The following TRAP1 variants were observed in gnomAD, a reference collection of about 807,000 sequenced individuals.
TRAP1 encodes heat shock protein 75 kDa, mitochondrial.
A neutral mutation model predicts 89.1 loss-of-function variants in TRAP1; 102 were observed. The ratio of observed to expected loss-of-function variants is 1.15; its 90% CI spans 0.98 to 1.35. The LOEUF is 1.35. TRAP1 is among the 40% of genes most tolerant of loss of function. The pLI is 0.00. For synonymous variants in TRAP1, 508 were observed against 388.0 expected (o/e 1.31, Z -3.64); for missense variants, 1,256 against 945.3 (o/e 1.33, Z -4.31).
In TRAP1 at chr16:3,663,529, T is replaced by G. The variant is rs1567222720; in HGVS notation, c.1603A>C (p.Thr535Pro). 6.2e-7 allele frequency: 1 copy of G among 1,613,808 alleles called. No individual in the cohort carries two copies. The highest frequency in any genetic ancestry group is 1.1e-5 in the South Asian group (1 of 91,060). Residue 535 changes from threonine (T) to proline (P), a missense_variant, in exon 14 of 18, where the codon ACC (threonine) becomes CCC (proline). Transcript: ENST00000246957. ...LFCFEQFDELTLLHLREFDKK... is the reference protein window; with the variant it reads ...LFCFEQFDELPLLHLREFDKK... ...TCAAACTCACGAAGGTGCAGCAGGG[T>G]GAGCTCATCAAACTGCTCAAAGCAG...
chr16:3,683,893 C>T (rs113171279), intron 4 of TRAP1, among the ~76,000 whole-genome samples: 5 of 151,932 alleles, frequency 3.3e-5, no homozygotes, highest in Admixed American at 6.6e-5. Flanking sequence ...AGACTAGGCG[C>T]GGTGGCTCCC....
At position 3,676,115 on chromosome 16, in the gene TRAP1, C is replaced by T. The variant is rs754204276; in HGVS notation, c.735G>A (p.Ser245=). The T allele has an allele frequency of 1.3e-5, 21 of 1,613,796 alleles. No individual in the cohort carries two copies. Among genetic ancestry groups the T allele is most frequent in the Admixed American group, 3.3e-5 (2 of 59,932 alleles). The change falls in exon 7 of 18, where the codon TCG becomes TCA. Residue 245 remains serine, a synonymous_variant. Transcript: ENST00000246957. ...TGATTTTTGTCCCGGTTCTAACTCC[C>T]GAAGCTTCGGCGATTTCAAACACTC... is the stretch of plus-strand genomic sequence containing the variant. The part of the protein sequence containing the change: ...GSGVFEIAEA[S]GVRTGTKIII...
intron 3 of TRAP1, 27 bp downstream of exon 3, chr16:3,689,028 A>T (rs780722483): frequency 1.4e-5 from 22 of 1,579,966 alleles, no homozygotes; most frequent in Non-Finnish European, 1.8e-5. Flanking sequence ...CTTTGCTAGC[A>T]TCGGGCATGG....
chr16:3,697,532 T>C (rs921430172), intron 1 of TRAP1, among the ~76,000 whole-genome samples: 36 of 151,214 alleles, frequency 2.4e-4, no homozygotes, highest in Admixed American at 2.1e-3. Flanking sequence ...GGCGTAGTGG[T>C]GGGCGCCTGT....
At chr16:3,686,299 G>A (rs530493630) in intron 3 of TRAP1, among the ~76,000 whole-genome samples, 163 bp from the exon 4 acceptor site, 3 of 152,252 alleles carry the variant, frequency 2.0e-5, no homozygotes, top group Admixed American at 6.5e-5. Flanking sequence ...CCTCTGGGCC[G>A]GTCACAAAGT....
At position 3,658,214 on chromosome 16, in the gene TRAP1, A is replaced by G. The variant is rs2042831201; in HGVS notation, c.2030T>C (p.Met677Thr). 2 of 1,613,664 alleles carry G rather than the reference A, an allele frequency of 1.2e-6. No individual in the cohort carries two copies. Among genetic ancestry groups the G allele is most frequent in the Non-Finnish European group, 1.7e-6 (2 of 1,179,924 alleles). The change falls in exon 18 of 18, where the codon ATG becomes ACG. Residue 677 changes from methionine (M) to threonine (T), a missense_variant. Coordinates refer to ENST00000246957, the MANE Select transcript of TRAP1 (RefSeq NM_016292.3). The part of the protein sequence containing the change: ...LLVDQIYENA[M>T]IAAGLVDDPR... ...GTCGTCAACAAGTCCAGCAGCAATC[A>G]TGGCGTTCTCGTATATCTGAAAGGC...
rs776446815 is a variant in TRAP1 at position 3,671,685 on chromosome 16, C to T, written c.1235+37G>A. The T allele has an allele frequency of 4.4e-6, 7 of 1,605,206 alleles. No individual in the cohort carries two copies. The Admixed American group carries it at 6.7e-5, about 15-fold the overall frequency. ...GCAAAGGAGCAGGTAGGGGCCTTGT[C>T]CCCAGCAGGGTCCTCTCCCCGCGGC... On this transcript the variant is annotated intron_variant, in intron 11 of 17. Transcript: ENST00000246957.
At chr16:3,705,578 CCA>C (rs2051431265) in intron 1 of TRAP1, among the ~76,000 whole-genome samples, 1 of 152,170 alleles carries the variant, frequency 6.6e-6, no homozygotes, top group Non-Finnish European at 1.5e-5. Flanking sequence ...TGGGGTTCAT[CCA>C]CATATAGCAT....
chr16:3,664,056 C>T (rs895545265), intron 13 of TRAP1: 2 of 519,894 alleles, frequency 3.8e-6, no homozygotes, highest in Admixed American at 3.8e-5. Context: ...GAGCAAGACT[C>T]CATCTCAAAA....
At chr16:3,685,896 C>G in intron 4 of TRAP1, 100 bp downstream of exon 4, 2 of 1,379,978 alleles carry the variant, frequency 1.4e-6, no homozygotes, top group South Asian at 2.9e-5. Flanking sequence ...GTGGTACGGA[C>G]GGCCAGTACG....
At chr16:3,711,263 G>A (rs1277168064) in intron 1 of TRAP1, among the ~76,000 whole-genome samples, 1 of 152,006 alleles carries the variant, frequency 6.6e-6, no homozygotes, top group East Asian at 1.9e-4. Flanking sequence ...TCAGCTACAT[G>A]TCCTTTCAAT....
At position 3,690,826 on chromosome 16, in the gene TRAP1, C is replaced by A. The variant is rs769685678; in HGVS notation, c.247+1G>T. ...CAGACCAAAGCACGAGCCAAGGCTA[C>A]CCTGCACGCTCTCTGTGCTGCTGAT... On this transcript the variant is annotated splice_donor_variant, in intron 2 of 17. Coordinates refer to ENST00000246957, the MANE Select transcript of TRAP1 (RefSeq NM_016292.3). LOFTEE classifies it high-confidence loss of function. The A allele has an allele frequency of 3.4e-6, 5 of 1,457,678 alleles. No homozygotes were observed. Among genetic ancestry groups the A allele is most frequent in the Non-Finnish European group, 4.6e-6 (5 of 1,097,910 alleles). 90.3% of individuals were successfully genotyped at this position (1,457,678 alleles called of 1,614,324 possible).
chr16:3,664,139 CTG>C (rs2050765764), intron 13 of TRAP1, 133 bp downstream of exon 13: 1 of 927,608 alleles, frequency 1.1e-6, no homozygotes, highest in Non-Finnish European at 1.5e-6. Context: ...GGTCCGGCCT[CTG>C]TGCCCGTGAC....
At chr16:3,675,426 G>A in intron 7 of TRAP1, 29 bp from the exon 8 acceptor site, 4 of 1,607,590 alleles carry the variant, frequency 2.5e-6, no homozygotes, top group Non-Finnish European at 3.4e-6. Flanking sequence ...AAACCACACT[G>A]CATCTACAAT....
chr16:3,704,716 G>A lies in TRAP1; in HGVS notation c.88+12705C>T, dbSNP rs1158609082. On this transcript the variant is annotated intron_variant, in intron 1 of 17. Coordinates refer to ENST00000246957, the MANE Select transcript of TRAP1 (RefSeq NM_016292.3). The stretch of plus-strand genomic sequence containing the variant: ...CAAAAAGTAAACACACACAAAAAAA[G>A]GTTAAATTAATTTCCAGCAGGGCAC... Among the ~76,000 whole-genome samples the A allele has an allele frequency of 2.6e-5, 4 of 152,014 alleles. No individual in the cohort carries two copies. In the East Asian group the frequency reaches 5.8e-4, roughly 22 times the overall value.
intron 9 of TRAP1, among the ~76,000 whole-genome samples, chr16:3,673,782 T>TA (rs943405118): frequency 6.6e-6 from 1 of 152,176 alleles, no homozygotes; most frequent in African/African-American, 2.4e-5. Context: ...TAGGTCTCCT[T>TA]ACGGCAGGAT....
At chr16:3,684,662 C>A (rs1010191052) in intron 4 of TRAP1, among the ~76,000 whole-genome samples, 5 of 152,070 alleles carry the variant, frequency 3.3e-5, no homozygotes, top group African/African-American at 9.7e-5. Context: ...TCATGGCACA[C>A]ATCCGTAATC....
rs555452062 is a variant in TRAP1 at position 3,674,703 on chromosome 16, T to C, written c.889-209A>G. On this transcript the variant is annotated intron_variant, in intron 8 of 17. Coordinates refer to ENST00000246957, the MANE Select transcript of TRAP1 (RefSeq NM_016292.3). The stretch of plus-strand genomic sequence containing the variant: ...ACACACAAGGCTCTGGGGCAGGAGC[T>C]CCTCAGGACAACATGTCAGGAGGAC... 8.0e-4 allele frequency: 489 copies of C among 609,142 alleles called. 3 individuals are homozygous for C. The highest frequency in any genetic ancestry group is 6.7e-3 in the African/African-American group (362 of 54,086). 37.7% of individuals were successfully genotyped at this position (609,142 alleles called of 1,614,324 possible).
chr16:3,679,060 G>T (rs1174927819), intron 5 of TRAP1, among the ~76,000 whole-genome samples: 1 of 152,118 alleles, frequency 6.6e-6, no homozygotes, highest in Admixed American at 6.5e-5. Flanking sequence ...ACGTGCACCT[G>T]TAGTCACGCC....
Sources: gnomAD v4.1 joint callset for allele counts (sites outside exome capture counted in the v4.1 genomes callset) on GRCh38, gnomAD v4.1.1 for gene constraint, MANE v1.5 for transcripts, NCBI Gene and HGNC (gene_info 2026-07-23, HGNC 2026-07-21) for gene names.